Variants in PATJ observed in about 807,000 individuals in gnomAD.
PATJ encodes inaD-like protein.
In PATJ, 190 loss-of-function variants were observed where a neutral mutation model predicts 224.9. That is an observed-to-expected ratio of 0.84 (90% confidence interval 0.75 to 0.95). The LOEUF (loss-of-function observed/expected upper bound fraction) is 0.95. PATJ is among the 40% of genes least tolerant of loss of function. PATJ has a pLI of 0.00. For synonymous variants in PATJ, 769 were observed against 820.3 expected (o/e 0.94, Z 1.07); for missense variants, 2,121 against 2,270.3 (o/e 0.93, Z 1.34).
chr1:61,986,024 A>G (rs1003761071), intron 27 of PATJ, among the ~76,000 whole-genome samples: 2 of 152,142 alleles, frequency 1.3e-5, no homozygotes, highest in Middle Eastern at 3.4e-3. Flanking sequence ...CCCATTTTAC[A>G]TAAGAAATCT....
At position 62,160,985 on chromosome 1, in the gene PATJ, T is replaced by TA. The variant is rs1413986444; in HGVS notation, c.5581dup (p.Thr1861AsnfsTer3). 2 of 1,612,690 alleles carry TA rather than the reference T, an allele frequency of 1.2e-6. No individual in the cohort carries two copies. The highest frequency in any genetic ancestry group is 1.3e-5 in the African/African-American group (1 of 74,970). On this transcript the variant is annotated frameshift_variant, in exon 44 of 44. Transcript: ENST00000642238. LOFTEE classifies it high-confidence loss of function. ...TTAATGGCGAGACCCTGGAAGGTGT[T>TA]ACTCATGAGCAAGCAGTCGCCATTC...
chr1:61,955,338 C>G (rs7418404), intron 27 of PATJ, among the ~76,000 whole-genome samples: 1 of 151,910 alleles, frequency 6.6e-6, no homozygotes, highest in Non-Finnish European at 1.5e-5. Context: ...TATAAAATTT[C>G]TAAAAAGAAA....
At chr1:61,904,475 G>A (rs1046000504) in intron 24 of PATJ, among the ~76,000 whole-genome samples, 1 of 152,164 alleles carries the variant, frequency 6.6e-6, no homozygotes, top group Non-Finnish European at 1.5e-5. Context: ...TTGTGTGTGT[G>A]TTTGTAGCTC....
At position 62,161,075 on chromosome 1, in the gene PATJ, A is replaced by G; in HGVS notation, c.*21A>G. 3 of 1,417,136 alleles carry G rather than the reference A, an allele frequency of 2.1e-6. No homozygotes were observed. The highest frequency in any genetic ancestry group is 2.8e-6 in the Non-Finnish European group (3 of 1,083,576). 87.8% of individuals were successfully genotyped at this position (1,417,136 alleles called of 1,614,324 possible). A position where few individuals can be genotyped will look rare whatever the true frequency, so the allele number is the denominator to read the frequency against. On this transcript the variant is annotated 3_prime_UTR_variant, in exon 44 of 44. Coordinates refer to ENST00000642238, the MANE Select transcript of PATJ (RefSeq NM_001350145.3). ...CATGAGCCTCGGGCCTGATCACAAGATAGATGTTGTTGTTTAGAATATCCA... is the reference window on the plus strand; with the variant it reads ...CATGAGCCTCGGGCCTGATCACAAGGTAGATGTTGTTGTTTAGAATATCCA...
At chr1:61,963,678 A>T (rs908687903) in intron 27 of PATJ, among the ~76,000 whole-genome samples, 2 of 152,146 alleles carry the variant, frequency 1.3e-5, no homozygotes, top group Non-Finnish European at 2.9e-5. Context: ...AAAGGTCTTC[A>T]TCCTCATCCT....
At chr1:61,869,295 A>G (rs974505648) in intron 20 of PATJ, among the ~76,000 whole-genome samples, 1 of 151,398 alleles carries the variant, frequency 6.6e-6, no homozygotes, top group Non-Finnish European at 1.5e-5. Flanking sequence ...TTTAGTAGAG[A>G]CGGGGTTTCA....
At chr1:62,113,090 A>G (rs1664047844) in intron 34 of PATJ, among the ~76,000 whole-genome samples, 1 of 152,242 alleles carries the variant, frequency 6.6e-6, no homozygotes, top group Non-Finnish European at 1.5e-5. Context: ...AGAAGTATTT[A>G]AGTTAAAGAA....
chr1:62,007,420 G>A (rs1240290090), intron 28 of PATJ, among the ~76,000 whole-genome samples: 1 of 152,188 alleles, frequency 6.6e-6, no homozygotes. Flanking sequence ...TGGACAGAAA[G>A]CTTTTTCCCT....
intron 28 of PATJ, among the ~76,000 whole-genome samples, chr1:62,012,166 A>C (rs1263526149): frequency 9.1e-6 from 1 of 109,692 alleles, no homozygotes; most frequent in Non-Finnish European, 2.0e-5. Context: ...TGGTAGAGTG[A>C]CCATCTGTTC....
At chr1:61,802,698 A>T (rs565032794) in intron 12 of PATJ, among the ~76,000 whole-genome samples, 1 of 152,214 alleles carries the variant, frequency 6.6e-6, no homozygotes, top group South Asian at 2.1e-4. Context: ...CATTTCTATA[A>T]GTTGCATTGA....
intron 30 of PATJ, among the ~76,000 whole-genome samples, chr1:62,050,436 C>T (rs1048605270): frequency 1.3e-5 from 2 of 152,196 alleles, no homozygotes; most frequent in African/African-American, 4.8e-5. Flanking sequence ...TCTATGTCTA[C>T]ATTTGCTTTG....
Position 61,922,682 on chromosome 1 carries a change from TC to T in PATJ, c.3571-5047del, listed in dbSNP as rs376969255. On this transcript the variant is annotated intron_variant, in intron 26 of 43. Transcript: ENST00000642238. ...CACAAAAGCACTGTTTAAACTTTAA[TC>T]TGTCATTTTTGTGTGGTTAAGAAGG... 2.8e-3 allele frequency among the ~76,000 whole-genome samples: 434 copies of T among 152,374 alleles called. 1 individual carries two copies. The highest frequency in any genetic ancestry group is 9.6e-3 in the African/African-American group (401 of 41,592).
chr1:62,090,477 G>T (rs1418771589), intron 33 of PATJ, among the ~76,000 whole-genome samples: 2 of 151,984 alleles, frequency 1.3e-5, no homozygotes, highest in African/African-American at 4.8e-5. Flanking sequence ...TCATAATAAT[G>T]ACTATTAAAA....
At position 61,918,307 on chromosome 1, in the gene PATJ, C is replaced by CTTT. The variant is rs981322479; in HGVS notation, c.3570+3660_3570+3662dup. ...GTTGGCATAAAGTTGTTTGTGTATT[C>CTTT]TTTTTTTTTTTTTTTTTTTGGAGAC... On this transcript the variant is annotated intron_variant, in intron 26 of 43. Coordinates refer to ENST00000642238, the MANE Select transcript of PATJ (RefSeq NM_001350145.3). Among the ~76,000 whole-genome samples, 44 of 115,598 alleles carry CTTT rather than the reference C, an allele frequency of 3.8e-4. 1 individual carries two copies. The highest frequency in any genetic ancestry group is 1.1e-3 in the African/African-American group (31 of 29,350). 75.8% of individuals were successfully genotyped at this position (115,598 alleles called of 152,430 possible).
intron 18 of PATJ, among the ~76,000 whole-genome samples, chr1:61,857,353 C>T (rs933228181): frequency 6.6e-6 from 1 of 152,342 alleles, no homozygotes; most frequent in East Asian, 1.9e-4. Context: ...TTGTTACCCT[C>T]ATTACAGATG....
chr1:61,908,906 C>A (rs1444724786), intron 25 of PATJ, among the ~76,000 whole-genome samples: 2 of 152,196 alleles, frequency 1.3e-5, no homozygotes, highest in African/African-American at 4.8e-5. Flanking sequence ...AACGTGTTGA[C>A]ATGTTGTACT....
intron 43 of PATJ, among the ~76,000 whole-genome samples, chr1:62,155,556 T>C (rs889407599): frequency 6.6e-6 from 1 of 152,108 alleles, no homozygotes; most frequent in African/African-American, 2.4e-5. Context: ...GAATGCCCTC[T>C]CAAAGGTCCC....
intron 37 of PATJ, among the ~76,000 whole-genome samples, chr1:62,119,775 C>G (rs925721683): frequency 1.3e-4 from 20 of 152,132 alleles, no homozygotes; most frequent in African/African-American, 4.8e-4. Context: ...GAAACCCTGT[C>G]TCTACTAAAA....
intron 31 of PATJ, among the ~76,000 whole-genome samples, chr1:62,060,673 C>T (rs1570388090): frequency 1.3e-5 from 2 of 152,026 alleles, no homozygotes; most frequent in Admixed American, 1.3e-4. Context: ...AAGTAAATCT[C>T]TCTATAAACT....
Sources: gnomAD v4.1 joint callset for allele counts (sites outside exome capture counted in the v4.1 genomes callset) on GRCh38, gnomAD v4.1.1 for gene constraint, MANE v1.5 for transcripts, NCBI Gene and HGNC (gene_info 2026-07-23, HGNC 2026-07-21) for gene names.